PAPPA: variants seen among roughly 807,000 people sequenced by gnomAD.
PAPPA encodes the protein pappalysin 1, also known as pappalysin-1.
Under a neutral mutation model 164.0 loss-of-function variants are expected in PAPPA, and 60 were observed. The observed-to-expected ratio is 0.37, with a 90% CI of 0.30 to 0.45. PAPPA has a LOEUF of 0.45. Among genes scored for constraint, PAPPA ranks in the 20% least tolerant of loss-of-function variants. The pLI is 1.00. For synonymous variants in PAPPA, 875 were observed against 814.1 expected (o/e 1.07, Z -1.27); for missense variants, 1,782 against 2,087.3 (o/e 0.85, Z 2.85).
In PAPPA at chr9:116,154,414, G is replaced by A. The variant is rs1843574968; in HGVS notation, c.242G>A (p.Arg81Gln). The stretch of plus-strand genomic sequence containing the variant: ...CGCGTCCCCCGGCGGCGGCAGCAGC[G>A]GGAGGCGAGGGGCGCCACCGAGGAG... ...AVRVPRRRQQREARGATEEPS... is the reference protein window; with the variant it reads ...AVRVPRRRQQQEARGATEEPS... Residue 81 changes from arginine (R) to glutamine (Q), a missense_variant, in exon 1 of 22, where the codon CGG (arginine) becomes CAG (glutamine). By Grantham distance (43) the Arg-to-Gln change is conservative (BLOSUM62 1). Transcript: ENST00000328252. The surrounding 1 kb of genome is among the most constrained non-coding windows in gnomAD (Gnocchi z 5.2). 8.3e-7 allele frequency: 1 copy of A among 1,209,064 alleles called. No homozygotes were observed. Among genetic ancestry groups the A allele is most frequent in the Non-Finnish European group, 1.0e-6 (1 of 957,708 alleles). The allele number at this position is 1,209,064 out of a possible 1,614,324, so 74.9% of individuals were successfully genotyped here.
chr9:116,186,246 C>T (rs1462198662), intron 1 of PAPPA, among the ~76,000 whole-genome samples: 1 of 146,684 alleles, frequency 6.8e-6, no homozygotes. Flanking sequence ...GTATCTATAT[C>T]TATATATCTA....
rs894637455 is a variant in PAPPA at position 116,399,751 on chromosome 9, G to A, written c.*3135G>A. 1 of 152,590 alleles carries A rather than the reference G, an allele frequency of 6.6e-6. No individual in the cohort carries two copies. The highest frequency in any genetic ancestry group is 1.5e-5 in the Non-Finnish European group (1 of 68,040). The allele number at this position is 152,590 out of a possible 1,614,324, so 9.5% of individuals were successfully genotyped here. A position where few individuals can be genotyped will look rare whatever the true frequency, so the allele number is the denominator to read the frequency against. On this transcript the variant is annotated 3_prime_UTR_variant, in exon 22 of 22. Coordinates refer to ENST00000328252, the MANE Select transcript of PAPPA (RefSeq NM_002581.5). ...AGGAAATACAGTCCTTGGGAAATGA[G>A]TTTTGATGGTGAATTGGGGTGTTAA...
chr9:116,310,049 A>G (rs1387891009), intron 10 of PAPPA, among the ~76,000 whole-genome samples: 1 of 152,214 alleles, frequency 6.6e-6, no homozygotes, highest in African/African-American at 2.4e-5. Context: ...CTGGTATTGC[A>G]TTAAAACAGC....
At chr9:116,285,171 C>CTTTTTTTTTTTTTTTTTT in intron 9 of PAPPA, among the ~76,000 whole-genome samples, 17 of 89,480 alleles carry the variant, frequency 1.9e-4, no homozygotes, top group South Asian at 4.6e-4. Context: ...TTCTTTCTTT[C>CTTTTTTTTTTTTTTTTTT]TTTTTTTTTT....
At chr9:116,330,612 CGTGTGTGTGTAGGGGTGTGTGTGT>C (rs1333611139) in intron 10 of PAPPA, among the ~76,000 whole-genome samples, 1 of 148,446 alleles carries the variant, frequency 6.7e-6, no homozygotes, top group African/African-American at 2.5e-5. Flanking sequence ...TGTGTGTGTG[CGTGTGTGTGTAGGGGTGTGTGTGT>C]GTGTATAAAG....
intron 10 of PAPPA, among the ~76,000 whole-genome samples, chr9:116,313,293 G>A (rs1845746315): frequency 6.6e-6 from 1 of 152,148 alleles, no homozygotes; most frequent in Non-Finnish European, 1.5e-5. Flanking sequence ...TGGGGCTCCT[G>A]CCCACCCCAG....
intron 2 of PAPPA, among the ~76,000 whole-genome samples, chr9:116,189,639 C>T (rs752811932): frequency 1.3e-5 from 2 of 152,136 alleles, no homozygotes; most frequent in African/African-American, 2.4e-5. Context: ...AATGTGGGAC[C>T]TGGAGGAACT....
chr9:116,270,563 G>A (rs776487438), intron 8 of PAPPA, among the ~76,000 whole-genome samples: 42 of 152,182 alleles, frequency 2.8e-4, no homozygotes, highest in Admixed American at 5.9e-4. Flanking sequence ...AAGGATGACC[G>A]TTTTCCAGAA....
At chr9:116,186,960 C>T (rs2118626569) in intron 1 of PAPPA, among the ~76,000 whole-genome samples, 194 bp from the exon 2 acceptor site, 1 of 152,260 alleles carries the variant, frequency 6.6e-6, no homozygotes, top group Admixed American at 6.5e-5. Flanking sequence ...CTCATTCTCT[C>T]AGCTCCTCCA....
At chr9:116,171,865 C>T (rs1041681918) in intron 1 of PAPPA, among the ~76,000 whole-genome samples, 14 of 152,110 alleles carry the variant, frequency 9.2e-5, no homozygotes, top group South Asian at 6.2e-4. Context: ...CAAACACATC[C>T]GCCTGCAGTG....
At position 116,255,632 on chromosome 9, in the gene PAPPA, T is replaced by C. The variant is rs1156243862; in HGVS notation, c.2733-10225T>C. 1.3e-5 allele frequency among the ~76,000 whole-genome samples: 2 copies of C among 151,964 alleles called. 1 individual carries two copies. Among genetic ancestry groups the C allele is most frequent in the East Asian group, 3.9e-4 (2 of 5,098 alleles). On this transcript the variant is annotated intron_variant, in intron 7 of 21. Transcript: ENST00000328252. Reference sequence around the variant, plus strand: ...TTTGGATAAGGGAGAGCCATCAGTTTTGGCAATTGAGTGGCTTGAATATTC... The same window carrying C: ...TTTGGATAAGGGAGAGCCATCAGTTCTGGCAATTGAGTGGCTTGAATATTC...
chr9:116,267,163 A>G (rs1845077561), intron 8 of PAPPA, among the ~76,000 whole-genome samples: 1 of 152,244 alleles, frequency 6.6e-6, no homozygotes, highest in Admixed American at 6.5e-5. Flanking sequence ...GAGACACATT[A>G]GATGACTCTT....
chr9:116,371,416 C>T (rs919514247), intron 19 of PAPPA, among the ~76,000 whole-genome samples: 2 of 151,732 alleles, frequency 1.3e-5, no homozygotes, highest in African/African-American at 2.4e-5. Flanking sequence ...GACTCTGTCT[C>T]GAATAATAAT....
At chr9:116,377,064 A>C (rs892288868) in intron 19 of PAPPA, among the ~76,000 whole-genome samples, 4 of 152,150 alleles carry the variant, frequency 2.6e-5, no homozygotes, top group African/African-American at 9.7e-5. Flanking sequence ...GCCGTTAATT[A>C]AACACACTCC....
At chr9:116,288,451 C>T (rs1382754970) in intron 9 of PAPPA, among the ~76,000 whole-genome samples, 1 of 139,556 alleles carries the variant, frequency 7.2e-6, no homozygotes, top group Non-Finnish European at 1.6e-5. Context: ...CCCTCCCTTC[C>T]TTCCTTCCTT....
intron 1 of PAPPA, among the ~76,000 whole-genome samples, chr9:116,178,153 C>A (rs1021793991): frequency 6.6e-6 from 1 of 152,188 alleles, no homozygotes; most frequent in Non-Finnish European, 1.5e-5. Flanking sequence ...GTTGCCCAGG[C>A]TGGAATGCAG....
At chr9:116,295,408 G>T (rs1845492569) in intron 9 of PAPPA, among the ~76,000 whole-genome samples, 1 of 151,858 alleles carries the variant, frequency 6.6e-6, no homozygotes, top group Non-Finnish European at 1.5e-5. Flanking sequence ...ACAAAAATTA[G>T]CCGGATGTGG....
In PAPPA at chr9:116,197,050, G is replaced by T. The variant is rs561052730; in HGVS notation, c.1478+8834G>T. Among the ~76,000 whole-genome samples the T allele has an allele frequency of 2.1e-4, 32 of 152,300 alleles. No individual in the cohort carries two copies. The South Asian group carries it at 6.6e-3, about 32-fold the overall frequency. ...AAAAACACAGTTTGCCAGTGGTTTG[G>T]CCAAGCGTGAGGAAGGAATTGACTA... On this transcript the variant is annotated intron_variant, in intron 2 of 21. Coordinates refer to ENST00000328252, the MANE Select transcript of PAPPA (RefSeq NM_002581.5).
At chr9:116,312,901 G>C (rs1038030156) in intron 10 of PAPPA, among the ~76,000 whole-genome samples, 1 of 151,898 alleles carries the variant, frequency 6.6e-6, no homozygotes, top group East Asian at 2.0e-4. Flanking sequence ...GGCTAACACG[G>C]TGAAACCTCA....
Sources: allele counts gnomAD v4.1 joint callset (sites outside exome capture counted in the v4.1 genomes callset), GRCh38; gene constraint gnomAD v4.1.1; non-coding constraint Gnocchi (gnomAD v3.1); transcripts MANE v1.5; gene names NCBI Gene and HGNC (gene_info 2026-07-23, HGNC 2026-07-21).